Variants in CNDP1 observed in about 807,000 individuals in gnomAD.
CNDP1 encodes carnosine dipeptidase 1, also known as beta-Ala-His dipeptidase.
CNDP1 carries 44 observed loss-of-function variants against 58.1 expected under a neutral mutation model. The ratio of observed to expected loss-of-function variants is 0.76; its 90% CI spans 0.60 to 0.97. CNDP1 has a LOEUF of 0.97. Ranked by LOEUF, CNDP1 falls within the 50% of genes least tolerant of loss-of-function variation. The probability of loss-of-function intolerance (pLI) is 0.00; values close to 1 mark genes in which losing one functional copy is unlikely to be tolerated. For synonymous variants in CNDP1, 254 were observed against 252.6 expected, an observed-to-expected ratio of 1.01 and a Z score of -0.05; for missense variants, 616 against 655.1, an observed-to-expected ratio of 0.94 and a Z score of 0.65.
At chr18:74,573,474 A>ATCT (rs1298765775) in intron 7 of CNDP1, among the ~76,000 whole-genome samples, 2 of 56,010 alleles carry the variant, frequency 3.6e-5, no homozygotes, top group South Asian at 6.3e-4. Context: ...CTATCTATCT[A>ATCT]ATCTATCTAT....
chr18:74,581,061 G>C (rs1981776751), intron 10 of CNDP1, among the ~76,000 whole-genome samples: 1 of 152,332 alleles, frequency 6.6e-6, no homozygotes, highest in South Asian at 2.1e-4. Context: ...AATTCTAGGG[G>C]AGTAAATAAG....
intron 1 of CNDP1, among the ~76,000 whole-genome samples, chr18:74,546,796 C>A (rs547926004): frequency 1.3e-5 from 2 of 152,190 alleles, no homozygotes; most frequent in South Asian, 2.1e-4. Flanking sequence ...AGGATCCTAG[C>A]GAACTGGGTA....
chr18:74,569,563 A>G (rs943318598), intron 6 of CNDP1, among the ~76,000 whole-genome samples: 5 of 152,294 alleles, frequency 3.3e-5, no homozygotes, highest in Middle Eastern at 3.4e-3. Flanking sequence ...ATTGAAGGGC[A>G]TGGTTGTATT....
At chr18:74,548,373 A>C (rs1346142911) in intron 1 of CNDP1, among the ~76,000 whole-genome samples, 1 of 152,032 alleles carries the variant, frequency 6.6e-6, no homozygotes, top group Admixed American at 6.6e-5. Context: ...GCTCTTGCTC[A>C]CATTCTTGCC....
Position 74,560,872 on chromosome 18 carries a change from G to C in CNDP1, c.320G>C (p.Ser107Thr). The C allele has an allele frequency of 6.2e-7, 1 of 1,613,746 alleles. No homozygotes were observed. The highest frequency in any genetic ancestry group is 1.7e-5 in the Admixed American group (1 of 60,020). The change falls in exon 4 of 12, where the codon AGT (serine) becomes ACT (threonine). Residue 107 changes from serine (S) to threonine (T), a missense_variant. Ser to Thr is a moderately conservative substitution (Grantham distance 58, BLOSUM62 1). Transcript: ENST00000358821. Reference sequence around the variant, plus strand: ...ATTCTGCAGCTGCCCGATGGTCAGAGTCTTCCAATACCTCCCGTCATCCTG... The same window carrying C: ...ATTCTGCAGCTGCCCGATGGTCAGACTCTTCCAATACCTCCCGTCATCCTG... ...MGPQQLPDGQ[S>T]LPIPPVILAE... is the part of the protein sequence containing the mutation.
chr18:74,575,480 C>T (rs1043575034), intron 7 of CNDP1, among the ~76,000 whole-genome samples: 1 of 152,210 alleles, frequency 6.6e-6, no homozygotes, highest in African/African-American at 2.4e-5. Context: ...AGTCTACTTC[C>T]TGGCTGCATT....
At chr18:74,555,953 G>A (rs1228353614) in intron 1 of CNDP1, among the ~76,000 whole-genome samples, 1 of 152,180 alleles carries the variant, frequency 6.6e-6, no homozygotes, top group Non-Finnish European at 1.5e-5. Context: ...ACACATGGAA[G>A]ATTTTTGCGT....
intron 4 of CNDP1, chr18:74,561,698 G>A: frequency 4.8e-6 from 1 of 209,394 alleles, no homozygotes; most frequent in Non-Finnish European, 1.0e-5. Flanking sequence ...CAAATGAGAG[G>A]CTATGCCACG....
chr18:74,555,432 G>A (rs1334566491), intron 1 of CNDP1, among the ~76,000 whole-genome samples: 1 of 152,156 alleles, frequency 6.6e-6, no homozygotes, highest in Non-Finnish European at 1.5e-5. Context: ...CTGCACTGGG[G>A]GAGATGTTGC....
chr18:74,586,014 A>T lies in CNDP1; in HGVS notation c.*1452A>T, dbSNP rs891834478. 3 of 152,098 alleles carry T rather than the reference A, an allele frequency of 2.0e-5. No homozygotes were observed. Among genetic ancestry groups the T allele is most frequent in the Non-Finnish European group, 4.4e-5 (3 of 68,120 alleles). The allele number at this position is 152,098 out of a possible 1,614,324, so 9.4% of individuals were successfully genotyped here. A position where few individuals can be genotyped will look rare whatever the true frequency, so the allele number is the denominator to read the frequency against. On this transcript the variant is annotated 3_prime_UTR_variant, in exon 12 of 12. Transcript: ENST00000358821. ...GTCTCCAAAAAAAAAAAAAAAAAAA[A>T]AAAAAGCAGAACACATTTGCGTTCA...
rs755933407 is a variant in CNDP1 at position 74,560,955 on chromosome 18, G to A, written c.403G>A (p.Val135Met). 2.3e-5 allele frequency: 37 copies of A among 1,614,150 alleles called. No individual in the cohort carries two copies. The highest frequency in any genetic ancestry group is 2.9e-5 in the Non-Finnish European group (34 of 1,180,014). Residue 135 changes from valine (V) to methionine (M), a missense_variant, in exon 4 of 12, where the codon GTG becomes ATG. Coordinates refer to ENST00000358821, the MANE Select transcript of CNDP1 (RefSeq NM_032649.6). The stretch of plus-strand genomic sequence containing the variant: ...CGTGTGCTTCTACGGCCACTTGGAC[G>A]TGCAGCCTGCTGACCGGGGCGATGG... ...GTVCFYGHLD[V>M]QPADRGDGWL... is the part of the protein sequence containing the mutation.
At chr18:74,553,368 T>G (rs1286796594) in intron 1 of CNDP1, among the ~76,000 whole-genome samples, 4 of 152,212 alleles carry the variant, frequency 2.6e-5, no homozygotes, top group African/African-American at 9.7e-5. Flanking sequence ...TACAGCTATT[T>G]TTTTTTAAGA....
At position 74,571,178 on chromosome 18, in the gene CNDP1, C is replaced by T. The variant is rs1981469121; in HGVS notation, c.757-8C>T. The T allele has an allele frequency of 3.2e-6, 5 of 1,586,776 alleles. No homozygotes were observed. In the South Asian group the frequency reaches 5.5e-5, roughly 18 times the overall value. ...AAGTATATCTCTTACCTTTTATCTA[C>T]TCTGCAGGTGAAATGCAGAGACCAG... is the stretch of plus-strand genomic sequence containing the variant. On this transcript the variant is annotated splice_region_variant and splice_polypyrimidine_tract_variant and intron_variant, in intron 6 of 11. Coordinates refer to ENST00000358821, the MANE Select transcript of CNDP1 (RefSeq NM_032649.6).
chr18:74,579,188 T>TCCTTCCCTTCCCTTG (rs377693611), intron 9 of CNDP1, among the ~76,000 whole-genome samples: 3 of 118,420 alleles, frequency 2.5e-5, no homozygotes, highest in Admixed American at 8.4e-5. Flanking sequence ...CTTCTCCCTT[T>TCCTTCCCTTCCCTTG]CCTTCCCTTC....
At chr18:74,567,528 C>A in intron 6 of CNDP1, 95 bp downstream of exon 6, 1 of 1,144,848 alleles carries the variant, frequency 8.7e-7, no homozygotes, top group South Asian at 1.3e-5. Flanking sequence ...AGAAAGAAAG[C>A]TTTCCTGAGG....
intron 1 of CNDP1, among the ~76,000 whole-genome samples, chr18:74,544,717 C>CAAAAAAAA: frequency 1.6e-5 from 1 of 63,858 alleles, no homozygotes; most frequent in Non-Finnish European, 2.8e-5. Flanking sequence ...GGTTCTGTCT[C>CAAAAAAAA]AAAAAAAAAA....
intron 1 of CNDP1, among the ~76,000 whole-genome samples, chr18:74,546,357 C>T (rs1980760408): frequency 6.6e-6 from 1 of 152,210 alleles, no homozygotes; most frequent in Non-Finnish European, 1.5e-5. Context: ...TCCCCACCGC[C>T]TACCCACGAG....
intron 6 of CNDP1, among the ~76,000 whole-genome samples, chr18:74,568,651 T>C (rs988473341): frequency 6.6e-6 from 1 of 152,054 alleles, no homozygotes; most frequent in Non-Finnish European, 1.5e-5. Context: ...TTTGGGTAGG[T>C]AGAGAGCTCC....
At chr18:74,539,106 G>C (rs537379769) in intron 1 of CNDP1, among the ~76,000 whole-genome samples, 5 of 150,994 alleles carry the variant, frequency 3.3e-5, no homozygotes, top group Admixed American at 6.6e-5. Context: ...AACAGGGAGA[G>C]ATTATGGCCG....
Sources: allele counts gnomAD v4.1 joint callset (sites outside exome capture counted in the v4.1 genomes callset), GRCh38; gene constraint gnomAD v4.1.1; transcripts MANE v1.5; gene names NCBI Gene and HGNC (gene_info 2026-07-23, HGNC 2026-07-21).